TEX22: variants seen among roughly 807,000 people sequenced by gnomAD.
The protein encoded by TEX22 is testis expressed 22.
In TEX22, 16 loss-of-function variants were observed where a neutral mutation model predicts 11.3. The observed-to-expected ratio is 1.42, with a 90% CI of 0.96 to 2.15. The LOEUF is 2.15. Among genes scored for constraint, TEX22 ranks in the 30% most tolerant of loss-of-function variants. The probability of loss-of-function intolerance (pLI) is 0.00; values close to 1 mark genes in which losing one functional copy is unlikely to be tolerated. For missense variants in TEX22, 220 were observed against 208.6 expected, an observed-to-expected ratio of 1.05 and a Z score of -0.34; for synonymous variants, 97 against 92.3, an observed-to-expected ratio of 1.05 and a Z score of -0.29.
At chr14:105,411,076 G>A (rs1377556980) in intron 2 of TEX22, among the ~76,000 whole-genome samples, 1 of 152,272 alleles carries the variant, frequency 6.6e-6, no homozygotes, top group Non-Finnish European at 1.5e-5. Flanking sequence ...TGCCGGTCAA[G>A]CCGGGGGCCG....
chr14:105,409,086 T>G (rs1356903738), intron 2 of TEX22, among the ~76,000 whole-genome samples: 1 of 151,912 alleles, frequency 6.6e-6, no homozygotes, highest in African/African-American at 2.4e-5. Flanking sequence ...AGCTGTGTTT[T>G]CTCCTTGGCA....
At chr14:105,403,076 A>G (rs1555418590) in intron 2 of TEX22, among the ~76,000 whole-genome samples, 1 of 152,182 alleles carries the variant, frequency 6.6e-6, no homozygotes. Flanking sequence ...TCCACTGCAG[A>G]GCAGGGCATC....
chr14:105,401,323 A>G (rs782328430), intron 2 of TEX22, among the ~76,000 whole-genome samples: 2 of 152,232 alleles, frequency 1.3e-5, no homozygotes, highest in Non-Finnish European at 2.9e-5. Context: ...GGAAAATCAC[A>G]TGATTATCTC....
At chr14:105,408,365 C>T (rs1366547455) in intron 2 of TEX22, among the ~76,000 whole-genome samples, 2 of 152,032 alleles carry the variant, frequency 1.3e-5, no homozygotes, top group Non-Finnish European at 2.9e-5. Context: ...CCTCAGCCTC[C>T]CAAGTAGCTG....
At position 105,411,810 on chromosome 14, in the gene TEX22, G is replaced by T; in HGVS notation, c.430G>T (p.Ala144Ser). ...APFWHNATFE[A>S]SRSPPS ...TTTCTGGCATAATGCGACTTTCGAG[G>T]CCTCGAGGTCACCCCCTTCCTAAGA... is the stretch of plus-strand genomic sequence containing the variant. Residue 144 changes from alanine to serine, a missense_variant, in exon 4 of 4, where the codon GCC (alanine) becomes TCC (serine). By Grantham distance (99) the Ala-to-Ser change is moderately conservative. Transcript: ENST00000451127. 3.4e-6 allele frequency: 5 copies of T among 1,449,450 alleles called. No homozygotes were observed. The highest frequency in any genetic ancestry group is 4.6e-6 in the Non-Finnish European group (5 of 1,097,492). 89.8% of individuals were successfully genotyped at this position (1,449,450 alleles called of 1,614,324 possible). A position where few individuals can be genotyped will look rare whatever the true frequency, so the allele number is the denominator to read the frequency against.
At chr14:105,399,530 C>T in intron 2 of TEX22, 40 bp downstream of exon 2, 6 of 1,488,350 alleles carry the variant, frequency 4.0e-6, no homozygotes, top group South Asian at 1.3e-5. Context: ...ACTCTCCTGT[C>T]CCCAGCCCGC....
In TEX22 at chr14:105,411,456, G is replaced by A; in HGVS notation, c.239G>A (p.Arg80Gln). Residue 80 changes from arginine (R) to glutamine (Q), a missense_variant, in exon 3 of 4, where the codon CGG becomes CAG. Physicochemically the swap from Arg to Gln is conservative, Grantham distance 43 (BLOSUM62 1). Transcript: ENST00000451127. ...CGGCGGCTGGCCACGCTGGGCGGCC[G>A]GGAGAGGCCGGGCGCCGCCGGGACC... The part of the protein sequence containing the change: ...ERRRLATLGG[R>Q]ERPGAAGTQL... The A allele has an allele frequency of 8.1e-7, 1 of 1,233,272 alleles. No individual in the cohort carries two copies. The highest frequency in any genetic ancestry group is 1.0e-6 in the Non-Finnish European group (1 of 990,522). The allele number at this position is 1,233,272 out of a possible 1,614,324, so 76.4% of individuals were successfully genotyped here.
rs377352769 is a variant in TEX22 at position 105,412,137 on chromosome 14, C to G, written c.*304C>G. The G allele has an allele frequency of 1.9e-5, 5 of 268,364 alleles. No individual in the cohort carries two copies. The highest frequency in any genetic ancestry group is 1.1e-4 in the African/African-American group (5 of 45,414). 16.6% of individuals were successfully genotyped at this position (268,364 alleles called of 1,614,324 possible). On this transcript the variant is annotated 3_prime_UTR_variant, in exon 4 of 4. Transcript: ENST00000451127. This position sits in a 1 kb window ranked among gnomAD's most constrained non-coding sequence, Gnocchi z 5.8. ...GGCCGCTGGGAGGAGGCCTGGGGTA[C>G]CTGGGCCTGCCTGAGGTGCACTGGT...
At chr14:105,403,809 T>C (rs2081644915) in intron 2 of TEX22, among the ~76,000 whole-genome samples, 2 of 152,262 alleles carry the variant, frequency 1.3e-5, no homozygotes, top group African/African-American at 4.8e-5. Flanking sequence ...GAAAATTTCA[T>C]TTTAAATGTA....
chr14:105,399,298 C>G lies in TEX22; in HGVS notation c.-39-4C>G, dbSNP rs1239184520. Reference sequence around the variant, plus strand: ...GCCCCACCTCCCCCTGCTCCTACCCCCAGATCTCAGAGGTGTGGACAAGCA... The same window carrying G: ...GCCCCACCTCCCCCTGCTCCTACCCGCAGATCTCAGAGGTGTGGACAAGCA... On this transcript the variant is annotated splice_polypyrimidine_tract_variant and splice_region_variant and intron_variant, in intron 1 of 3. Coordinates refer to ENST00000451127, the MANE Select transcript of TEX22 (RefSeq NM_001195082.2). 4.6e-6 allele frequency: 7 copies of G among 1,506,780 alleles called. No individual in the cohort carries two copies. In the East Asian group the frequency reaches 1.7e-4, roughly 37 times the overall value. The allele number at this position is 1,506,780 out of a possible 1,614,324, so 93.3% of individuals were successfully genotyped here. A position where few individuals can be genotyped will look rare whatever the true frequency, so the allele number is the denominator to read the frequency against.
intron 2 of TEX22, among the ~76,000 whole-genome samples, chr14:105,399,811 G>A (rs2081615436): frequency 6.6e-6 from 1 of 152,180 alleles, no homozygotes; most frequent in Non-Finnish European, 1.5e-5. Context: ...GGCTGAAGGT[G>A]GCAAGAAGCG....
At chr14:105,406,677 T>TA (rs782639591) in intron 2 of TEX22, among the ~76,000 whole-genome samples, 7,054 of 129,246 alleles carry the variant, frequency 0.055, 566 homozygotes, top group African/African-American at 0.18. Flanking sequence ...TTGCAGTTCC[T>TA]AAAAAAAAAA....
rs115294365 is a variant in TEX22, at chr14:105,412,128, C to A, written c.*295C>A. ...TGCCCTCGGGGCCGCTGGGAGGAGG[C>A]CTGGGGTACCTGGGCCTGCCTGAGG... On this transcript the variant is annotated 3_prime_UTR_variant, in exon 4 of 4. Transcript: ENST00000451127. The surrounding 1 kb of genome is among the most constrained non-coding windows in gnomAD (Gnocchi z 5.8). 1,563 of 283,860 alleles carry A rather than the reference C, an allele frequency of 5.5e-3. 30 individuals are homozygous for A. Among genetic ancestry groups the A allele is most frequent in the African/African-American group, 0.031 (1,410 of 45,944 alleles). The allele number at this position is 283,860 out of a possible 1,614,324, so 17.6% of individuals were successfully genotyped here.
chr14:105,399,199 A>T, intron 1 of TEX22, 103 bp from the exon 2 acceptor site: 5 of 676,594 alleles, frequency 7.4e-6, no homozygotes, highest in South Asian at 5.6e-5. Context: ...TGACCCTAGC[A>T]GACCGCGATA....
At chr14:105,409,347 T>C (rs1021732230) in intron 2 of TEX22, among the ~76,000 whole-genome samples, 6 of 152,186 alleles carry the variant, frequency 3.9e-5, no homozygotes. Flanking sequence ...GAAAATATCT[T>C]TATTCTGCCT....
At chr14:105,402,562 G>C (rs1008696178) in intron 2 of TEX22, among the ~76,000 whole-genome samples, 1 of 151,766 alleles carries the variant, frequency 6.6e-6, no homozygotes, top group African/African-American at 2.4e-5. Flanking sequence ...AGACCATCCT[G>C]GCTAACACGG....
intron 2 of TEX22, among the ~76,000 whole-genome samples, chr14:105,409,186 A>G (rs1047486488): frequency 2.7e-5 from 4 of 150,842 alleles, no homozygotes; most frequent in African/African-American, 9.8e-5. Context: ...CCCTCCCCCT[A>G]CAATCCGCCT....
intron 2 of TEX22, among the ~76,000 whole-genome samples, chr14:105,406,064 GGT>G (rs372782201): frequency 3.3e-5 from 5 of 152,190 alleles, no homozygotes; most frequent in African/African-American, 1.2e-4. Flanking sequence ...GTGGTATTGG[GGT>G]GATTGGCTGT....
At chr14:105,411,601 G>C in intron 3 of TEX22, 59 bp from the exon 4 acceptor site, 1 of 1,234,578 alleles carries the variant, frequency 8.1e-7, no homozygotes, top group Middle Eastern at 3.4e-4. Flanking sequence ...CGGCGCTCCC[G>C]GGCCCCGCCG....
Sources: gnomAD v4.1 joint callset for allele counts (sites outside exome capture counted in the v4.1 genomes callset) on GRCh38, gnomAD v4.1.1 for gene constraint, Gnocchi (gnomAD v3.1) non-coding constraint, MANE v1.5 for transcripts, NCBI Gene and HGNC (gene_info 2026-07-23, HGNC 2026-07-21) for gene names.